Variants in AKAP13 observed in about 807,000 individuals in gnomAD.
AKAP13 encodes the protein A-kinase anchoring protein 13, also known as A-kinase anchor protein 13.
Under a neutral mutation model 264.5 loss-of-function variants are expected in AKAP13, and 80 were observed. That is an observed-to-expected ratio of 0.30 (90% CI 0.25 to 0.36). The LOEUF (loss-of-function observed/expected upper bound fraction) is 0.36, where lower values mean the gene tolerates loss of function less well. Ranked by LOEUF, AKAP13 falls within the 10% of genes least tolerant of loss-of-function variation. The probability of loss-of-function intolerance (pLI) is 1.00; values close to 1 mark genes in which losing one functional copy is unlikely to be tolerated. For synonymous variants in AKAP13, 1,380 were observed against 1,250.2 expected, an observed-to-expected ratio of 1.10 and a Z score of -2.19; for missense variants, 3,712 against 3,435.2, an observed-to-expected ratio of 1.08 and a Z score of -2.01.
At chr15:85,662,095 G>A (rs2083380646) in intron 12 of AKAP13, among the ~76,000 whole-genome samples, 1 of 152,160 alleles carries the variant, frequency 6.6e-6, no homozygotes, top group South Asian at 2.1e-4. Flanking sequence ...ATAGGTAGTT[G>A]CCACAGTTCA....
intron 10 of AKAP13, among the ~76,000 whole-genome samples, chr15:85,647,736 G>A (rs1279778119): frequency 6.6e-6 from 1 of 152,158 alleles, no homozygotes; most frequent in Non-Finnish European, 1.5e-5. Context: ...ATGAGGTCAG[G>A]AGATCGAGAC....
At chr15:85,491,164 T>C (rs1321150669) in intron 2 of AKAP13, among the ~76,000 whole-genome samples, 2 of 152,106 alleles carry the variant, frequency 1.3e-5, no homozygotes, top group Admixed American at 6.6e-5. Flanking sequence ...CTGGATCTTG[T>C]AGGATTTAAC....
intron 34 of AKAP13, 139 bp downstream of exon 34, chr15:85,740,411 CGT>C (rs2088866100): frequency 1.1e-6 from 1 of 900,812 alleles, no homozygotes; most frequent in South Asian, 1.7e-5. Context: ...GACTGGCTCT[CGT>C]GGTGAGAAAG....
intron 8 of AKAP13, among the ~76,000 whole-genome samples, chr15:85,635,636 G>A (rs567371798): frequency 6.6e-6 from 1 of 152,094 alleles, no homozygotes; most frequent in East Asian, 1.9e-4. Context: ...TGTAACCGAA[G>A]TTCCCATAAA....
rs2079139572 is a variant in AKAP13 at position 85,581,333 on chromosome 15, G to A, written c.3265G>A (p.Val1089Met). Reference sequence around the variant, plus strand: ...CTGTGAGGTGAGTGGAGATGTGACGGTGGATGTTACAGGGGTTAATGCTCT... The same window carrying A: ...CTGTGAGGTGAGTGGAGATGTGACGATGGATGTTACAGGGGTTAATGCTCT... ...SACEVSGDVTVDVTGVNALQG... is the reference protein window; with the variant it reads ...SACEVSGDVTMDVTGVNALQG... The change falls in exon 7 of 37, where the codon GTG becomes ATG. Residue 1089 changes from valine to methionine, a missense_variant. By Grantham distance (21) the Val-to-Met change is conservative (BLOSUM62 1). Coordinates refer to ENST00000394518, the MANE Select transcript of AKAP13 (RefSeq NM_007200.5). 1 of 1,614,234 alleles carries A rather than the reference G, an allele frequency of 6.2e-7. No homozygotes were observed. Among genetic ancestry groups the A allele is most frequent in the South Asian group, 1.1e-5 (1 of 91,088 alleles).
At chr15:85,566,030 T>A (rs995570667) in intron 5 of AKAP13, among the ~76,000 whole-genome samples, 5 of 152,234 alleles carry the variant, frequency 3.3e-5, no homozygotes, top group African/African-American at 1.2e-4. Context: ...GTAACATTGG[T>A]GCATGGTAAC....
At position 85,746,863 on chromosome 15, in the gene AKAP13, T is replaced by C. The variant is rs1025289042; in HGVS notation, c.*2186T>C. On this transcript the variant is annotated 3_prime_UTR_variant, in exon 37 of 37. Coordinates refer to ENST00000394518, the MANE Select transcript of AKAP13 (RefSeq NM_007200.5). ...AGGCCGGGTGCCCCTGTTCTCCGGG[T>C]TTGGAACAATACGAGGTTGGTGCTG... is the stretch of plus-strand genomic sequence containing the variant. 6.6e-6 allele frequency: 1 copy of C among 152,132 alleles called. No homozygotes were observed. The highest frequency in any genetic ancestry group is 1.5e-5 in the Non-Finnish European group (1 of 68,046). The allele number at this position is 152,132 out of a possible 1,614,324, so 9.4% of individuals were successfully genotyped here.
intron 1 of AKAP13, among the ~76,000 whole-genome samples, chr15:85,463,443 G>C (rs16940052): frequency 6.6e-6 from 1 of 151,806 alleles, no homozygotes; most frequent in Non-Finnish European, 1.5e-5. Context: ...TTCAGTTGCT[G>C]TAGTGTTTCT....
chr15:85,743,559 C>T lies in AKAP13; in HGVS notation c.8126C>T (p.Ser2709Leu), dbSNP rs370778094. Residue 2709 changes from serine (S) to leucine (L), a missense_variant, in exon 36 of 37, where the codon TCG (serine) becomes TTG (leucine). Around this residue, in one of 3 missense-constraint regions of AKAP13, gnomAD observed 611 missense variants for 539.3 expected, o/e 1.13. Transcript: ENST00000394518. ...SFFPSPEEPP[S>L]PSAPSIAKSG... ...TTCCCCAGTCCTGAGGAGCCCCCCT[C>T]GCCATCTGCACCTTCCATAGCCAAA... 14 of 1,614,070 alleles carry T rather than the reference C, an allele frequency of 8.7e-6. No individual in the cohort carries two copies. Among genetic ancestry groups the T allele is most frequent in the African/African-American group, 2.7e-5 (2 of 74,918 alleles).
Position 85,533,771 on chromosome 15 carries a change from A to G in AKAP13, c.369A>G (p.Gly123=). ...LNFTRFLDQS[G]PPSGDVNSLD... ...TTACCCGTTTTCTTGACCAGTCAGG[A>G]CCCCCATCTGGGGATGTGAATTCCC... The change falls in exon 4 of 37, where the codon GGA becomes GGG. Residue 123 remains glycine, a synonymous_variant. Coordinates refer to ENST00000394518, the MANE Select transcript of AKAP13 (RefSeq NM_007200.5). The G allele has an allele frequency of 6.2e-7, 1 of 1,613,752 alleles. No individual in the cohort carries two copies. The highest frequency in any genetic ancestry group is 8.5e-7 in the Non-Finnish European group (1 of 1,179,946).
chr15:85,650,521 C>G (rs938551588), intron 10 of AKAP13, among the ~76,000 whole-genome samples: 5 of 151,388 alleles, frequency 3.3e-5, no homozygotes, highest in Middle Eastern at 3.2e-3. Context: ...TTTGAGAGGC[C>G]GAGGCAGGCG....
chr15:85,463,898 T>C (rs2074622782), intron 1 of AKAP13, among the ~76,000 whole-genome samples: 2 of 152,104 alleles, frequency 1.3e-5, no homozygotes, highest in South Asian at 4.1e-4. Context: ...TGATTGAAAT[T>C]TGGAAGCCAG....
chr15:85,688,841 C>T (rs774627490), intron 16 of AKAP13, among the ~76,000 whole-genome samples: 1 of 152,150 alleles, frequency 6.6e-6, no homozygotes, highest in Non-Finnish European at 1.5e-5. Context: ...GGATGCTAAA[C>T]AGGAAGTATA....
At chr15:85,693,059 C>T in intron 16 of AKAP13, 1 of 684,916 alleles carries the variant, frequency 1.5e-6, no homozygotes, top group Non-Finnish European at 2.2e-6. Context: ...CAGAACTGTT[C>T]CGCCTGCCCA....
intron 1 of AKAP13, among the ~76,000 whole-genome samples, chr15:85,479,566 G>A (rs2075287163): frequency 6.6e-6 from 1 of 152,154 alleles, no homozygotes; most frequent in African/African-American, 2.4e-5. Context: ...CAGATGTAGG[G>A]GTGATCTGCC....
At chr15:85,716,782 T>C (rs938569952) in intron 20 of AKAP13, among the ~76,000 whole-genome samples, 2 of 152,216 alleles carry the variant, frequency 1.3e-5, no homozygotes, top group African/African-American at 2.4e-5. Context: ...TACTAAAGTT[T>C]GTATGCATTG....
At chr15:85,686,236 A>G (rs1256819865) in intron 16 of AKAP13, among the ~76,000 whole-genome samples, 1 of 152,182 alleles carries the variant, frequency 6.6e-6, no homozygotes, top group Non-Finnish European at 1.5e-5. Flanking sequence ...AGATATATAC[A>G]CACGTAGATA....
intron 1 of AKAP13, among the ~76,000 whole-genome samples, chr15:85,409,333 C>T (rs1312244725): frequency 6.6e-6 from 1 of 151,492 alleles, no homozygotes; most frequent in Non-Finnish European, 1.5e-5. Flanking sequence ...TGCACCACCA[C>T]ACCCAGCTAA....
chr15:85,642,658 A>G (rs576284760), intron 9 of AKAP13, among the ~76,000 whole-genome samples: 2 of 152,024 alleles, frequency 1.3e-5, no homozygotes, highest in East Asian at 1.9e-4. Context: ...GCTTTATCTC[A>G]CAGAGCAGAC....
Sources: gnomAD v4.1 joint callset for allele counts (sites outside exome capture counted in the v4.1 genomes callset) on GRCh38, gnomAD v4.1.1 for gene constraint, gnomAD v4.1.1 regional missense constraint, MANE v1.5 for transcripts, NCBI Gene and HGNC (gene_info 2026-07-23, HGNC 2026-07-21) for gene names.